RIMS2: variants seen among roughly 807,000 people sequenced by gnomAD.
The protein encoded by RIMS2 is regulating synaptic membrane exocytosis 2.
In RIMS2, 59 loss-of-function variants were observed where a neutral mutation model predicts 174.4. The observed-to-expected ratio is 0.34, with a 90% confidence interval of 0.27 to 0.42. RIMS2 has a LOEUF of 0.42. RIMS2 is among the 10% of genes least tolerant of loss of function. RIMS2 has a pLI of 1.00. For missense variants in RIMS2, 1,620 were observed against 1,666.3 expected, an observed-to-expected ratio of 0.97 and a Z score of 0.48; for synonymous variants, 606 against 572.5, an observed-to-expected ratio of 1.06 and a Z score of -0.84.
chr8:103,623,764 C>G (rs922057858), intron 1 of RIMS2, among the ~76,000 whole-genome samples: 1 of 151,610 alleles, frequency 6.6e-6, no homozygotes, highest in Non-Finnish European at 1.5e-5. Context: ...GCTGGGATTA[C>G]AGGCGTGAGC....
chr8:103,639,532 A>G (rs1246884859), intron 1 of RIMS2, among the ~76,000 whole-genome samples: 1 of 151,968 alleles, frequency 6.6e-6, no homozygotes, highest in Middle Eastern at 3.2e-3. Flanking sequence ...TGTCATATAA[A>G]TTGAATCAAA....
At chr8:104,007,471 T>A (rs2095624993) in intron 17 of RIMS2, among the ~76,000 whole-genome samples, 1 of 152,180 alleles carries the variant, frequency 6.6e-6, no homozygotes, top group Non-Finnish European at 1.5e-5. Context: ...ACTAACATTT[T>A]ACATATTCTG....
Position 103,750,192 on chromosome 8 carries a change from AT to A in RIMS2, c.388-16032del, listed in dbSNP as rs1388431332. Among the ~76,000 whole-genome samples the A allele has an allele frequency of 3.9e-5, 6 of 152,104 alleles. No homozygotes were observed. The South Asian group carries it at 6.2e-4, about 16-fold the overall frequency. ...CTATTTTTTCCCCTAAGAAAAAAAA[AT>A]TTCCATTAAAAATATAGTAACTTTA... On this transcript the variant is annotated intron_variant, in intron 2 of 23. Coordinates refer to ENST00000504942, the Ensembl canonical transcript of RIMS2.
chr8:103,887,747 G>C (rs2099213486), intron 4 of RIMS2, among the ~76,000 whole-genome samples: 1 of 151,320 alleles, frequency 6.6e-6, no homozygotes, highest in Non-Finnish European at 1.5e-5. Context: ...TAATTAGTTA[G>C]AACACATTAA....
intron 1 of RIMS2, among the ~76,000 whole-genome samples, chr8:103,520,824 C>G (rs1212017759): frequency 6.6e-6 from 1 of 151,946 alleles, no homozygotes; most frequent in Non-Finnish European, 1.5e-5. Flanking sequence ...CACCATCTTT[C>G]AAATAGTTTC....
chr8:103,971,245 A>C (rs2092835834), intron 15 of RIMS2, among the ~76,000 whole-genome samples: 3 of 152,172 alleles, frequency 2.0e-5, no homozygotes, highest in Non-Finnish European at 4.4e-5. Flanking sequence ...ATTATGTCTT[A>C]ATTTTGGACA....
chr8:103,875,267 A>G (rs2099130763), intron 3 of RIMS2, among the ~76,000 whole-genome samples: 1 of 151,722 alleles, frequency 6.6e-6, no homozygotes, highest in Non-Finnish European at 1.5e-5. Context: ...TCTCACTCGC[A>G]TCTCACTCTC....
intron 19 of RIMS2, among the ~76,000 whole-genome samples, chr8:104,042,697 G>A (rs1376987008): frequency 6.6e-6 from 1 of 151,648 alleles, no homozygotes; most frequent in Non-Finnish European, 1.5e-5. Context: ...TCAGGGGAAA[G>A]ATAGAGTTCA....
chr8:104,164,375 G>T (rs2098783578), intron 19 of RIMS2, among the ~76,000 whole-genome samples: 1 of 151,350 alleles, frequency 6.6e-6, no homozygotes, highest in Admixed American at 6.6e-5. Flanking sequence ...TAAGAAATCT[G>T]CATTCATTTG....
chr8:103,500,766 A>G (rs1425417100), exon 1 of RIMS2: 7 of 569,878 alleles, frequency 1.2e-5, no homozygotes, highest in African/African-American at 2.0e-5. Flanking sequence ...CTTGGATTGA[A>G]GGCCATTGAT....
chr8:103,701,530 T>C (rs941922648), intron 2 of RIMS2, among the ~76,000 whole-genome samples: 8 of 152,110 alleles, frequency 5.3e-5, no homozygotes, highest in Non-Finnish European at 1.0e-4. Flanking sequence ...TTCTTTTTTC[T>C]ATCTAACTAT....
At chr8:103,945,446 G>A (rs1433444480) in intron 14 of RIMS2, among the ~76,000 whole-genome samples, 4 of 152,024 alleles carry the variant, frequency 2.6e-5, no homozygotes, top group Admixed American at 2.6e-4. Flanking sequence ...TATAAGGCCA[G>A]TATTTTCCTC....
At position 103,902,039 on chromosome 8, in the gene RIMS2, T is replaced by C. The variant is rs573849381; in HGVS notation, c.1625-8095T>C. Reference sequence around the variant, plus strand: ...TAAGCTAGGTTTCCTACAGTTACAATCAAGTTGTCATCTGTGCTGCATTTC... The same window carrying C: ...TAAGCTAGGTTTCCTACAGTTACAACCAAGTTGTCATCTGTGCTGCATTTC... On this transcript the variant is annotated intron_variant, in intron 4 of 23. Coordinates refer to ENST00000504942, the Ensembl canonical transcript of RIMS2. Among the ~76,000 whole-genome samples the C allele has an allele frequency of 3.9e-5, 6 of 152,292 alleles. No individual in the cohort carries two copies. The East Asian group carries it at 1.2e-3, about 29-fold the overall frequency.
At chr8:103,830,718 T>C (rs892139261) in intron 3 of RIMS2, among the ~76,000 whole-genome samples, 1 of 152,218 alleles carries the variant, frequency 6.6e-6, no homozygotes, top group Non-Finnish European at 1.5e-5. Flanking sequence ...ATTTTAACTG[T>C]GATTATAGAA....
chr8:103,711,193 T>G (rs755477421), intron 2 of RIMS2, among the ~76,000 whole-genome samples: 9 of 152,256 alleles, frequency 5.9e-5, no homozygotes, highest in Non-Finnish European at 1.2e-4. Context: ...CTATTCTGAA[T>G]CTAGCTTTTA....
In RIMS2 at chr8:103,914,430, T is replaced by C. The variant is rs558111697; in HGVS notation, c.1813-1065T>C. 2.0e-5 allele frequency among the ~76,000 whole-genome samples: 3 copies of C among 152,294 alleles called. No individual in the cohort carries two copies. The East Asian group carries it at 5.8e-4, about 29-fold the overall frequency. On this transcript the variant is annotated intron_variant, in intron 6 of 23. Coordinates refer to ENST00000504942, the Ensembl canonical transcript of RIMS2. ...TGTAATATGATTAAATAAATCAACA[T>C]ACAAACATTTAGTAAAGTGTCTGGC...
chr8:103,640,848 A>G (rs1030995696), intron 1 of RIMS2, among the ~76,000 whole-genome samples: 2 of 152,080 alleles, frequency 1.3e-5, no homozygotes, highest in East Asian at 3.8e-4. Flanking sequence ...ATGAAGCATT[A>G]TAAAATGTTC....
intron 1 of RIMS2, chr8:103,501,792 C>G (rs896912917): frequency 2.0e-5 from 3 of 152,312 alleles, no homozygotes; most frequent in African/African-American, 7.2e-5. Flanking sequence ...GGGATGCTCC[C>G]TACCTTGTGA....
intron 1 of RIMS2, among the ~76,000 whole-genome samples, chr8:103,542,227 C>G (rs1471168108): frequency 6.6e-6 from 1 of 152,048 alleles, no homozygotes; most frequent in Non-Finnish European, 1.5e-5. Flanking sequence ...CACCAAAAAA[C>G]TGGATAAACT....
Sources: gnomAD v4.1 joint callset for allele counts (sites outside exome capture counted in the v4.1 genomes callset) on GRCh38, gnomAD v4.1.1 for gene constraint, MANE v1.5 for transcripts, NCBI Gene and HGNC (gene_info 2026-07-23, HGNC 2026-07-21) for gene names.